Variants in SGK3 observed in about 807,000 individuals in gnomAD.
SGK3 encodes the protein serine/threonine-protein kinase Sgk3.
SGK3 carries 47 observed loss-of-function variants against 68.5 expected under a neutral mutation model. That is an observed-to-expected ratio of 0.69 (90% CI 0.54 to 0.87). SGK3 has a LOEUF of 0.87. Ranked by LOEUF, SGK3 falls within the 40% of genes least tolerant of loss-of-function variation. The pLI is 0.00. For synonymous variants in SGK3, 181 were observed against 189.1 expected (o/e 0.96, Z 0.35); for missense variants, 479 against 575.5 (o/e 0.83, Z 1.72).
At chr8:66,723,950 A>G (rs1321656837) in intron 1 of SGK3, among the ~76,000 whole-genome samples, 3 of 152,214 alleles carry the variant, frequency 2.0e-5, no homozygotes, top group African/African-American at 4.8e-5. Context: ...GAAAGACAAG[A>G]TAGTCCAATG....
intron 1 of SGK3, among the ~76,000 whole-genome samples, chr8:66,758,659 A>G (rs1039652609): frequency 1.3e-5 from 2 of 152,148 alleles, no homozygotes; most frequent in Admixed American, 1.3e-4. Flanking sequence ...TAGATATTAG[A>G]TACAATGTGG....
chr8:66,735,311 C>T (rs961135540), intron 1 of SGK3, among the ~76,000 whole-genome samples: 7 of 152,100 alleles, frequency 4.6e-5, no homozygotes, highest in Non-Finnish European at 1.0e-4. Context: ...ATTGTGGTTA[C>T]GAATCATTAT....
At position 66,778,806 on chromosome 8, in the gene SGK3, A is replaced by C. The variant is rs558832941; in HGVS notation, c.-121-14810A>C. Among the ~76,000 whole-genome samples, 11 of 152,314 alleles carry C rather than the reference A, an allele frequency of 7.2e-5. No homozygotes were observed. The South Asian group carries it at 2.3e-3, about 32-fold the overall frequency. On this transcript the variant is annotated intron_variant, in intron 1 of 16. Transcript: ENST00000521198. ...GGGTGTAGGGAGAGCAGCATGTCCA[A>C]TACGCATGTAGATGGATAGGCAGAT...
intron 1 of SGK3, among the ~76,000 whole-genome samples, chr8:66,744,538 T>TG: frequency 8.0e-6 from 1 of 124,962 alleles, no homozygotes; most frequent in African/African-American, 3.0e-5. Context: ...TTTTTTTTTT[T>TG]TTTTTTTAGA....
At chr8:66,813,991 C>G in intron 5 of SGK3, 63 bp downstream of exon 5, 1 of 1,345,092 alleles carries the variant, frequency 7.4e-7, no homozygotes, top group Non-Finnish European at 9.9e-7. Context: ...ACTGAATAAT[C>G]CTTATATAAA....
At chr8:66,793,591 C>CTTTTTTTTTT (rs796840166) in intron 1 of SGK3, 25 bp from the exon 2 acceptor site, 1 of 564,918 alleles carries the variant, frequency 1.8e-6, no homozygotes, top group Non-Finnish European at 2.9e-6. Flanking sequence ...TTGCTAATCA[C>CTTTTTTTTTT]TTTTTTTTTT....
At chr8:66,783,609 C>T (rs572970181) in intron 1 of SGK3, among the ~76,000 whole-genome samples, 4 of 152,192 alleles carry the variant, frequency 2.6e-5, no homozygotes, top group Admixed American at 6.5e-5. Flanking sequence ...CCTTCACCTC[C>T]TGGGCTCAAG....
chr8:66,828,967 GGTGTGTGTGTGTGT>G (rs113679632), intron 7 of SGK3, among the ~76,000 whole-genome samples: 2 of 119,576 alleles, frequency 1.7e-5, no homozygotes, highest in South Asian at 2.9e-4. Context: ...GTGGGTGGGG[GGTGTGTGTGTGTGT>G]GTGTGTGTGT....
chr8:66,849,999 A>G (rs1460656486), intron 15 of SGK3, among the ~76,000 whole-genome samples: 2 of 152,206 alleles, frequency 1.3e-5, no homozygotes, highest in Admixed American at 6.5e-5. Flanking sequence ...ATGACCCTAG[A>G]GCAAAATCCA....
intron 16 of SGK3, among the ~76,000 whole-genome samples, chr8:66,854,713 C>T (rs983601450): frequency 6.6e-6 from 1 of 151,978 alleles, no homozygotes; most frequent in Non-Finnish European, 1.5e-5. Flanking sequence ...CATATTAGTA[C>T]CAGGACATAT....
At chr8:66,719,928 A>G (rs1345781744) in intron 1 of SGK3, among the ~76,000 whole-genome samples, 2 of 152,134 alleles carry the variant, frequency 1.3e-5, no homozygotes, top group African/African-American at 4.8e-5. Context: ...GCATATCTTC[A>G]ATGCCATTTT....
chr8:66,798,347 G>A (rs2130590615), intron 2 of SGK3, among the ~76,000 whole-genome samples, 195 bp from the exon 3 acceptor site: 2 of 151,678 alleles, frequency 1.3e-5, no homozygotes, highest in Middle Eastern at 6.8e-3. Context: ...TGCTTTAATT[G>A]GTATGTTTAT....
At chr8:66,843,406 T>C in intron 13 of SGK3, 46 bp from the exon 14 acceptor site, 1 of 1,567,574 alleles carries the variant, frequency 6.4e-7, no homozygotes, top group Non-Finnish European at 8.7e-7. Flanking sequence ...AAATTTTGTC[T>C]TGATTTGTTT....
chr8:66,759,689 G>C (rs1463938909), intron 1 of SGK3, among the ~76,000 whole-genome samples: 1 of 151,862 alleles, frequency 6.6e-6, no homozygotes, highest in Non-Finnish European at 1.5e-5. Context: ...TTGAGATGGA[G>C]TCTCGCTGTG....
chr8:66,786,925 CTTTTTTTTTTTTTTTTTTT>C (rs71249407), intron 1 of SGK3, among the ~76,000 whole-genome samples: 1 of 48,684 alleles, frequency 2.1e-5, no homozygotes, highest in African/African-American at 8.3e-5. Context: ...TTTTCTCTGT[CTTTTTTTTTTTTTTTTTTT>C]TTTTTTTTTT....
intron 1 of SGK3, among the ~76,000 whole-genome samples, chr8:66,786,925 CTTTTTTTTT>C (rs71249407): frequency 1.6e-4 from 8 of 48,684 alleles, no homozygotes; most frequent in African/African-American, 5.0e-4. Flanking sequence ...TTTTCTCTGT[CTTTTTTTTT>C]TTTTTTTTTT....
At chr8:66,842,346 G>A (rs564808118) in intron 13 of SGK3, among the ~76,000 whole-genome samples, 2 of 150,550 alleles carry the variant, frequency 1.3e-5, no homozygotes, top group South Asian at 2.1e-4. Flanking sequence ...TCAGCCCCCC[G>A]AGTAGCTGGG....
intron 5 of SGK3, among the ~76,000 whole-genome samples, chr8:66,818,197 A>G (rs1808671672): frequency 6.6e-6 from 1 of 152,172 alleles, no homozygotes; most frequent in Admixed American, 6.5e-5. Flanking sequence ...AACCAAAAAT[A>G]TAGAAAAAGC....
intron 1 of SGK3, among the ~76,000 whole-genome samples, chr8:66,771,355 T>C (rs1806505056): frequency 6.6e-6 from 1 of 152,218 alleles, no homozygotes; most frequent in Admixed American, 6.5e-5. Context: ...CTCCCTGAAA[T>C]GTACTATTGA....
Sources: gnomAD v4.1 joint callset for allele counts (sites outside exome capture counted in the v4.1 genomes callset) on GRCh38, gnomAD v4.1.1 for gene constraint, MANE v1.5 for transcripts, NCBI Gene and HGNC (gene_info 2026-07-23, HGNC 2026-07-21) for gene names.